The following ADIPOR1 variants were observed in gnomAD, a reference collection of about 807,000 sequenced individuals.
The protein encoded by ADIPOR1 is adiponectin receptor 1.
Under a neutral mutation model 37.5 loss-of-function variants are expected in ADIPOR1, and 15 were observed. The observed-to-expected ratio is 0.40, with a 90% CI of 0.27 to 0.62. The LOEUF is 0.62. Among genes scored for constraint, ADIPOR1 ranks in the 20% least tolerant of loss-of-function variants. The pLI, the probability that ADIPOR1 is intolerant of heterozygous loss-of-function variation, is 0.42. For synonymous variants in ADIPOR1, 173 were observed against 173.2 expected (o/e 1.00, Z 0.01); for missense variants, 286 against 478.0 (o/e 0.60, Z 3.75).
At position 202,941,602 on chromosome 1, in the gene ADIPOR1, C is replaced by G. The variant is rs764078304; in HGVS notation, c.1099G>C (p.Gly367Arg). ...AGAAGGGTGTCATCAGTACAGCCGC[C>G]TTCTAGGCCGTAACGGAATTCCTGA... ...NLQEFRYGLE[G>R]GCTDDTLL The change falls in exon 8 of 8, where the codon GGC becomes CGC. Residue 367 changes from glycine (G) to arginine (R), a missense_variant. Gly to Arg is a moderately radical substitution (Grantham distance 125). Coordinates refer to ENST00000340990, the MANE Select transcript of ADIPOR1 (RefSeq NM_015999.6). The G allele has an allele frequency of 6.2e-7, 1 of 1,614,144 alleles. No individual in the cohort carries two copies. The highest frequency in any genetic ancestry group is 8.5e-7 in the Non-Finnish European group (1 of 1,180,020).
chr1:202,946,361 A>G (rs1046154795), intron 4 of ADIPOR1, 78 bp downstream of exon 4: 16 of 1,561,762 alleles, frequency 1.0e-5, no homozygotes, highest in Admixed American at 6.8e-5. Flanking sequence ...ATCGATCTGA[A>G]CAACTTTGTT....
chr1:202,944,962 T>C (rs756103820), intron 5 of ADIPOR1, 21 bp downstream of exon 5: 82 of 1,601,024 alleles, frequency 5.1e-5, no homozygotes, highest in Non-Finnish European at 6.7e-5. Context: ...AGTATTTTCC[T>C]ATGGTGTTCT....
intron 1 of ADIPOR1, among the ~76,000 whole-genome samples, chr1:202,953,327 C>T (rs911251677): frequency 4.6e-5 from 7 of 151,488 alleles, no homozygotes; most frequent in Non-Finnish European, 7.4e-5. Context: ...AAAAGAGGGG[C>T]ACACTTAGCT....
intron 2 of ADIPOR1, among the ~76,000 whole-genome samples, chr1:202,949,508 A>T (rs1404682108): frequency 7.1e-6 from 1 of 140,194 alleles, no homozygotes; most frequent in Non-Finnish European, 1.5e-5. Context: ...TGAACCCTGG[A>T]GGGCGGAGCC....
At chr1:202,957,711 T>C (rs1481695116) in intron 1 of ADIPOR1, among the ~76,000 whole-genome samples, 1 of 152,188 alleles carries the variant, frequency 6.6e-6, no homozygotes, top group Non-Finnish European at 1.5e-5. Flanking sequence ...CTGCCAAAGA[T>C]TGTTGGTGGA....
At chr1:202,952,777 C>T (rs994123603) in intron 1 of ADIPOR1, among the ~76,000 whole-genome samples, 15 of 152,154 alleles carry the variant, frequency 9.9e-5, no homozygotes, top group Admixed American at 5.2e-4. Context: ...GCCAATTCCC[C>T]GAATAAATCC....
intron 6 of ADIPOR1, 32 bp downstream of exon 6, chr1:202,943,726 C>T (rs768820014): frequency 6.2e-7 from 1 of 1,607,792 alleles, no homozygotes; most frequent in Non-Finnish European, 8.5e-7. Flanking sequence ...GGTCTAAATA[C>T]CTCTGAGGTG....
Position 202,941,429 on chromosome 1 carries a change from G to T in ADIPOR1, c.*144C>A. 1 of 1,016,142 alleles carries T rather than the reference G, an allele frequency of 9.8e-7. No homozygotes were observed. The highest frequency in any genetic ancestry group is 1.6e-5 in the African/African-American group (1 of 61,038). 62.9% of individuals were successfully genotyped at this position (1,016,142 alleles called of 1,614,324 possible). On this transcript the variant is annotated 3_prime_UTR_variant, in exon 8 of 8. Transcript: ENST00000340990. The stretch of plus-strand genomic sequence containing the variant: ...AGTTTATTGCCCAGTGGGTGTGAAA[G>T]TGGGCTGAAGCTTGGTTGGTACTGA...
In ADIPOR1 at chr1:202,946,548, G is replaced by A. The variant is rs377163409; in HGVS notation, c.321C>T (p.Asn107=). The stretch of plus-strand genomic sequence containing the variant: ...GTCTATGACCATGTAGCAGATAGTC[G>A]TTGTCCTTTAGCCAGTCAGGGAGCA... The part of the protein sequence containing the change: ...YDVLPDWLKD[N]DYLLHGHRPP... Residue 107 remains asparagine (N), a synonymous_variant, in exon 4 of 8, where the codon AAC becomes AAT. Coordinates refer to ENST00000340990, the MANE Select transcript of ADIPOR1 (RefSeq NM_015999.6). 41 of 1,614,058 alleles carry A rather than the reference G, an allele frequency of 2.5e-5. No individual in the cohort carries two copies. The highest frequency in any genetic ancestry group is 9.9e-5 in the South Asian group (9 of 91,078).
intron 2 of ADIPOR1, 69 bp from the exon 3 acceptor site, chr1:202,948,489 G>C: frequency 6.8e-7 from 1 of 1,463,476 alleles, no homozygotes. Context: ...AGAGCAGAGA[G>C]ACCCAGAAAA....
intron 3 of ADIPOR1, among the ~76,000 whole-genome samples, chr1:202,947,806 T>A (rs1654396069): frequency 6.6e-6 from 1 of 152,132 alleles, no homozygotes; most frequent in Admixed American, 6.6e-5. Flanking sequence ...TACCTCTAAG[T>A]AAATTGAGCA....
In ADIPOR1 at chr1:202,951,736, G is replaced by A. The variant is rs189753837; in HGVS notation, c.-94-572C>T. On this transcript the variant is annotated intron_variant, in intron 1 of 7. Transcript: ENST00000340990. ...GATGCCTAGTGGTTAATTTCTCTGCGAAGTCTACTAATTCTATTACAGGAT... is the reference window on the plus strand; with the variant it reads ...GATGCCTAGTGGTTAATTTCTCTGCAAAGTCTACTAATTCTATTACAGGAT... Among the ~76,000 whole-genome samples, 826 of 152,242 alleles carry A rather than the reference G, an allele frequency of 5.4e-3. 6 individuals carry two copies. Among genetic ancestry groups the A allele is most frequent in the African/African-American group, 0.018 (755 of 41,560 alleles).
rs1654557915 is a variant in ADIPOR1, at chr1:202,951,007, C to T, written c.64G>A (p.Ala22Thr). The change falls in exon 2 of 8, where the codon GCT becomes ACT. Residue 22 changes from alanine (A) to threonine (T), a missense_variant. Transcript: ENST00000340990. ...GNGAPASNRE[A>T]DTVELAELGP... is the part of the protein sequence containing the mutation. ...AGTTCAGCCAGTTCCACCGTGTCAG[C>T]TTCCCTGTTACTGGCAGGAGCCCCA... 1.2e-6 allele frequency: 2 copies of T among 1,614,222 alleles called. No homozygotes were observed. The highest frequency in any genetic ancestry group is 2.2e-5 in the East Asian group (1 of 44,876).
intron 1 of ADIPOR1, among the ~76,000 whole-genome samples, chr1:202,953,830 C>A (rs1441687210): frequency 2.0e-5 from 3 of 152,116 alleles, no homozygotes; most frequent in Non-Finnish European, 4.4e-5. Flanking sequence ...AGGGAGAGAA[C>A]CCCTCAACTA....
At chr1:202,956,319 T>A (rs1452789674) in intron 1 of ADIPOR1, among the ~76,000 whole-genome samples, 3 of 152,252 alleles carry the variant, frequency 2.0e-5, no homozygotes. Context: ...GGGTTTCAGT[T>A]TGGCTTTGTA....
intron 5 of ADIPOR1, 153 bp from the exon 6 acceptor site, chr1:202,944,098 T>C (rs762324992): frequency 1.2e-4 from 76 of 660,720 alleles, no homozygotes; most frequent in Non-Finnish European, 1.8e-4. Context: ...CTATCCTGTA[T>C]TCTGGATTAA....
chr1:202,941,046 A>G lies in ADIPOR1; in HGVS notation c.*527T>C, dbSNP rs1654060771. The G allele has an allele frequency of 1.3e-5, 2 of 152,622 alleles. No individual in the cohort carries two copies. Among genetic ancestry groups the G allele is most frequent in the Admixed American group, 6.5e-5 (1 of 15,280 alleles). The allele number at this position is 152,622 out of a possible 1,614,324, so 9.5% of individuals were successfully genotyped here. On this transcript the variant is annotated 3_prime_UTR_variant, in exon 8 of 8. Transcript: ENST00000340990. ...ACACACTTCCATGATTAGCCGGGCTAGGTAAAAGTTGGTGGCTTTATTCTT... is the reference window on the plus strand; with the variant it reads ...ACACACTTCCATGATTAGCCGGGCTGGGTAAAAGTTGGTGGCTTTATTCTT...
chr1:202,942,729 A>T lies in ADIPOR1; in HGVS notation c.806-511T>A, dbSNP rs1193159511. On this transcript the variant is annotated intron_variant, in intron 6 of 7. Coordinates refer to ENST00000340990, the MANE Select transcript of ADIPOR1 (RefSeq NM_015999.6). ...CAAGGGAAGAATGGGTATGTGTCTC[A>T]TCATTACACTACACATAACTGAAGG... 2.0e-5 allele frequency among the ~76,000 whole-genome samples: 3 copies of T among 152,222 alleles called. No individual in the cohort carries two copies. In the East Asian group the frequency reaches 5.8e-4, roughly 29 times the overall value.
intron 2 of ADIPOR1, among the ~76,000 whole-genome samples, chr1:202,949,170 T>C (rs1218831040): frequency 2.0e-5 from 3 of 152,128 alleles, no homozygotes; most frequent in African/African-American, 7.2e-5. Flanking sequence ...CCCTGTTCAC[T>C]GACTCTAGGG....
Sources: allele counts gnomAD v4.1 joint callset (sites outside exome capture counted in the v4.1 genomes callset), GRCh38; gene constraint gnomAD v4.1.1; transcripts MANE v1.5; gene names NCBI Gene and HGNC (gene_info 2026-07-23, HGNC 2026-07-21).